Variants in TENM3 observed in about 807,000 individuals in gnomAD.
TENM3 encodes the protein teneurin transmembrane protein 3, also known as teneurin-3.
In TENM3, 63 loss-of-function variants were observed where a neutral mutation model predicts 255.1. The observed-to-expected ratio is 0.25, with a 90% CI of 0.20 to 0.30. The LOEUF (loss-of-function observed/expected upper bound fraction) is 0.30. Among genes scored for constraint, TENM3 ranks in the 10% least tolerant of loss-of-function variants. TENM3 has a pLI of 1.00. For synonymous variants in TENM3, 1,306 were observed against 1,322.3 expected, an observed-to-expected ratio of 0.99 and a Z score of 0.27; for missense variants, 2,929 against 3,461.1, an observed-to-expected ratio of 0.85 and a Z score of 3.86.
chr4:182,446,768 A>G (rs1772948846), intron 3 of TENM3, among the ~76,000 whole-genome samples: 1 of 152,100 alleles, frequency 6.6e-6, no homozygotes, highest in South Asian at 2.1e-4. Flanking sequence ...CCTCTTGGCA[A>G]ATTTTAACCG....
intron 1 of TENM3, among the ~76,000 whole-genome samples, chr4:182,312,325 G>A (rs1237854812): frequency 6.6e-6 from 1 of 152,096 alleles, no homozygotes; most frequent in African/African-American, 2.4e-5. Flanking sequence ...TCGTACCACC[G>A]TACTCCAGCC....
chr4:181,807,284 C>T, the TENM3 span, among the ~76,000 whole-genome samples: 1 of 152,134 alleles, frequency 6.6e-6, no homozygotes, highest in African/African-American at 2.4e-5. Flanking sequence ...GATAAGTAAA[C>T]AAAAATTAAA....
the TENM3 span, among the ~76,000 whole-genome samples, chr4:181,495,214 G>A: frequency 3.3e-5 from 5 of 152,104 alleles, no homozygotes; most frequent in Admixed American, 2.6e-4. Flanking sequence ...GCAGATTAAG[G>A]GGGAGAAATG....
chr4:182,303,495 T>C (rs145621986), intron 1 of TENM3, among the ~76,000 whole-genome samples: 13 of 152,302 alleles, frequency 8.5e-5, no homozygotes, highest in Non-Finnish European at 1.5e-4. Flanking sequence ...ATATGACCCA[T>C]CATTTCATTG....
At chr4:182,364,071 AG>A (rs1766226260) in intron 3 of TENM3, among the ~76,000 whole-genome samples, 3 of 152,054 alleles carry the variant, frequency 2.0e-5, no homozygotes, top group Admixed American at 1.3e-4. Context: ...CCATTTAAAG[AG>A]TTTGTGCTTT....
At chr4:182,681,143 A>T (rs1756140700) in intron 10 of TENM3, among the ~76,000 whole-genome samples, 1 of 152,198 alleles carries the variant, frequency 6.6e-6, no homozygotes, top group Non-Finnish European at 1.5e-5. Flanking sequence ...GACATCATGG[A>T]TGTGTTCCAT....
At chr4:182,559,624 T>C (rs759945135) in intron 3 of TENM3, among the ~76,000 whole-genome samples, 59 of 152,294 alleles carry the variant, frequency 3.9e-4, no homozygotes, top group Non-Finnish European at 5.6e-4. Context: ...AGATTTTCTA[T>C]TGATTTTTTT....
At chr4:182,595,012 A>T (rs1169610338) in intron 3 of TENM3, among the ~76,000 whole-genome samples, 2 of 152,214 alleles carry the variant, frequency 1.3e-5, no homozygotes, top group South Asian at 2.1e-4. Flanking sequence ...CAGTGCACCC[A>T]GTCTCTTCCC....
chr4:182,404,179 A>C (rs2151044222), intron 3 of TENM3, among the ~76,000 whole-genome samples: 1 of 152,308 alleles, frequency 6.6e-6, no homozygotes, highest in Non-Finnish European at 1.5e-5. Context: ...AATAAGAATA[A>C]CCACAGCCTT....
At chr4:182,114,959 A>T in the TENM3 span, among the ~76,000 whole-genome samples, 1 of 152,058 alleles carries the variant, frequency 6.6e-6, no homozygotes, top group Non-Finnish European at 1.5e-5. Context: ...AGGCAGGCAG[A>T]TCACTTGAGG....
the TENM3 span, among the ~76,000 whole-genome samples, chr4:181,868,615 C>T: frequency 1.3e-4 from 20 of 152,262 alleles, no homozygotes; most frequent in African/African-American, 4.1e-4. Context: ...GTATTCATCA[C>T]GTCAAATGTT....
chr4:181,604,731 A>T, the TENM3 span, among the ~76,000 whole-genome samples: 1 of 152,022 alleles, frequency 6.6e-6, no homozygotes, highest in East Asian at 1.9e-4. Flanking sequence ...CATCACCACG[A>T]CTGTTTACCA....
chr4:181,818,282 G>A, the TENM3 span, among the ~76,000 whole-genome samples: 15 of 152,116 alleles, frequency 9.9e-5, no homozygotes, highest in Admixed American at 3.3e-4. Flanking sequence ...CTTGAAGTAC[G>A]GGAGATTATT....
At chr4:182,514,683 A>G (rs1414386364) in intron 3 of TENM3, among the ~76,000 whole-genome samples, 1 of 152,156 alleles carries the variant, frequency 6.6e-6, no homozygotes, top group Admixed American at 6.5e-5. Context: ...GTAAGCCACT[A>G]AATTGAGTTC....
chr4:181,543,866 T>C, the TENM3 span, among the ~76,000 whole-genome samples: 4 of 152,216 alleles, frequency 2.6e-5, no homozygotes, highest in African/African-American at 9.6e-5. Context: ...AGCAACATGG[T>C]ACTTTAAAAT....
the TENM3 span, among the ~76,000 whole-genome samples, chr4:181,775,225 A>G: frequency 1.3e-5 from 2 of 152,278 alleles, no homozygotes; most frequent in African/African-American, 4.8e-5. Context: ...TATACCAAGT[A>G]TGATATCAGC....
chr4:182,456,462 G>A (rs200176227), intron 3 of TENM3, among the ~76,000 whole-genome samples: 2 of 152,246 alleles, frequency 1.3e-5, no homozygotes, highest in East Asian at 1.9e-4. Context: ...GCTAAGTTCC[G>A]ATAGGTGTTA....
chr4:182,010,548 T>A, the TENM3 span, among the ~76,000 whole-genome samples: 1 of 152,088 alleles, frequency 6.6e-6, no homozygotes, highest in South Asian at 2.1e-4. Flanking sequence ...ACTCTGATTT[T>A]TCAAAGAAAA....
At chr4:182,142,955 T>C (rs1221846983), upstream of TENM3, 1 of 167,188 alleles carries the variant, frequency 6.0e-6, no homozygotes, top group African/African-American at 2.4e-5. Context: ...CCTCCAGCAG[T>C]TTCGGAAGCT....
Sources: allele counts gnomAD v4.1 joint callset (sites outside exome capture counted in the v4.1 genomes callset), GRCh38; gene constraint gnomAD v4.1.1; transcripts MANE v1.5; gene names NCBI Gene and HGNC (gene_info 2026-07-23, HGNC 2026-07-21).